PDGFD: variants seen among roughly 807,000 people sequenced by gnomAD.
PDGFD encodes the protein platelet-derived growth factor D.
Under a neutral mutation model 44.7 loss-of-function variants are expected in PDGFD, and 30 were observed. The ratio of observed to expected loss-of-function variants is 0.67; its 90% CI spans 0.50 to 0.91. PDGFD has a LOEUF of 0.91. Ranked by LOEUF, PDGFD falls within the 40% of genes least tolerant of loss-of-function variation. The pLI, the probability that PDGFD is intolerant of heterozygous loss-of-function variation, is 0.00. For missense variants in PDGFD, 445 were observed against 457.8 expected (o/e 0.97, Z 0.25); for synonymous variants, 173 against 168.4 (o/e 1.03, Z -0.21).
chr11:104,101,732 T>G (rs1861384766), intron 1 of PDGFD, among the ~76,000 whole-genome samples: 1 of 151,950 alleles, frequency 6.6e-6, no homozygotes, highest in Non-Finnish European at 1.5e-5. Context: ...CAAAGAGATA[T>G]AGACCAATGG....
In PDGFD at chr11:104,163,838, G is replaced by T. The variant is rs779714354; in HGVS notation, c.90C>A (p.Ile30=). Residue 30 remains isoleucine, a synonymous_variant, in exon 1 of 7, where the codon ATC becomes ATA. Coordinates refer to ENST00000393158, the MANE Select transcript of PDGFD (RefSeq NM_025208.5). ...TGAGGTTGGCGTTGCGCAAAGCTTTGATGGATGCGCTCTGCGGGGTTGCAG... is the reference window on the plus strand; with the variant it reads ...TGAGGTTGGCGTTGCGCAAAGCTTTTATGGATGCGCTCTGCGGGGTTGCAG... ...DTSATPQSAS[I]KALRNANLRR... 4.5e-6 allele frequency: 7 copies of T among 1,571,448 alleles called. No individual in the cohort carries two copies. Among genetic ancestry groups the T allele is most frequent in the Non-Finnish European group, 6.1e-6 (7 of 1,149,256 alleles).
At chr11:103,966,585 C>T (rs560080222) in intron 3 of PDGFD, among the ~76,000 whole-genome samples, 34 of 152,100 alleles carry the variant, frequency 2.2e-4, no homozygotes, top group Non-Finnish European at 4.6e-4. Flanking sequence ...CTGATGGGAT[C>T]GAAAGCTGAT....
intron 1 of PDGFD, among the ~76,000 whole-genome samples, chr11:104,041,680 A>C (rs1360750546): frequency 6.6e-6 from 1 of 152,188 alleles, no homozygotes; most frequent in Non-Finnish European, 1.5e-5. Flanking sequence ...GTATTTCAAG[A>C]TTACCAGCAA....
chr11:104,108,586 C>A (rs568932463), intron 1 of PDGFD, among the ~76,000 whole-genome samples: 2 of 152,290 alleles, frequency 1.3e-5, no homozygotes, highest in East Asian at 3.9e-4. Flanking sequence ...AATAGGAACA[C>A]TTTTACACTG....
At chr11:104,053,726 T>C (rs1019319884) in intron 1 of PDGFD, among the ~76,000 whole-genome samples, 9 of 152,166 alleles carry the variant, frequency 5.9e-5, no homozygotes, top group Non-Finnish European at 8.8e-5. Flanking sequence ...CTGGGCAGGA[T>C]ATTACAAACA....
At chr11:104,044,349 CT>C (rs900759767) in intron 1 of PDGFD, among the ~76,000 whole-genome samples, 1 of 152,034 alleles carries the variant, frequency 6.6e-6, no homozygotes. Flanking sequence ...TGCCTTAGTG[CT>C]TTATGTGAAG....
chr11:103,970,372 A>G (rs1386097353), intron 3 of PDGFD, among the ~76,000 whole-genome samples: 1 of 152,120 alleles, frequency 6.6e-6, no homozygotes, highest in Non-Finnish European at 1.5e-5. Flanking sequence ...ATTTCGAACG[A>G]GAAAGTTCTT....
intron 1 of PDGFD, among the ~76,000 whole-genome samples, chr11:104,157,566 C>T (rs1862324606): frequency 6.6e-6 from 1 of 152,186 alleles, no homozygotes; most frequent in Admixed American, 6.5e-5. Flanking sequence ...CCTTCTCCCT[C>T]TCACTGCACC....
intron 1 of PDGFD, among the ~76,000 whole-genome samples, chr11:104,055,990 A>C (rs1294917905): frequency 6.6e-6 from 1 of 152,196 alleles, no homozygotes; most frequent in Non-Finnish European, 1.5e-5. Flanking sequence ...CAATAATCAG[A>C]GCCAGAATAT....
At chr11:104,078,162 C>A (rs1302256982) in intron 1 of PDGFD, among the ~76,000 whole-genome samples, 2 of 152,166 alleles carry the variant, frequency 1.3e-5, no homozygotes, top group African/African-American at 4.8e-5. Context: ...ATCAGCCAGT[C>A]CATAAAACAC....
intron 3 of PDGFD, among the ~76,000 whole-genome samples, chr11:103,977,828 T>G (rs1466362191): frequency 6.6e-6 from 1 of 152,052 alleles, no homozygotes; most frequent in African/African-American, 2.4e-5. Flanking sequence ...CAGAGATGCT[T>G]TTTCTTTAGA....
chr11:103,930,180 G>A (rs763895205), intron 5 of PDGFD, among the ~76,000 whole-genome samples: 1 of 152,146 alleles, frequency 6.6e-6, no homozygotes, highest in Non-Finnish European at 1.5e-5. Flanking sequence ...GGCTGGGAAG[G>A]CTCCCCTGTC....
At chr11:104,070,924 G>A (rs1860864873) in intron 1 of PDGFD, among the ~76,000 whole-genome samples, 1 of 152,106 alleles carries the variant, frequency 6.6e-6, no homozygotes, top group Non-Finnish European at 1.5e-5. Flanking sequence ...ACAGACTGCG[G>A]TGTAAAAAGG....
rs545422957 is a variant in PDGFD at position 104,070,375 on chromosome 11, T to C, written c.125-70120A>G. 8.5e-4 allele frequency among the ~76,000 whole-genome samples: 130 copies of C among 152,304 alleles called. 1 individual carries two copies. The highest frequency in any genetic ancestry group is 2.8e-3 in the African/African-American group (118 of 41,578). Reference sequence around the variant, plus strand: ...CCAACAGCACAGGGTTCATTCTAACTTTTTTCTTTCTGTATTTGTAACTAT... The same window carrying C: ...CCAACAGCACAGGGTTCATTCTAACCTTTTTCTTTCTGTATTTGTAACTAT... On this transcript the variant is annotated intron_variant, in intron 1 of 6. Coordinates refer to ENST00000393158, the MANE Select transcript of PDGFD (RefSeq NM_025208.5).
intron 1 of PDGFD, among the ~76,000 whole-genome samples, chr11:104,069,651 G>A (rs1278895297): frequency 6.6e-6 from 1 of 152,206 alleles, no homozygotes; most frequent in African/African-American, 2.4e-5. Flanking sequence ...ACGAGGTCAG[G>A]AGATCGAGAC....
At chr11:103,937,866 C>T (rs1020761796) in intron 5 of PDGFD, among the ~76,000 whole-genome samples, 10 of 151,962 alleles carry the variant, frequency 6.6e-5, no homozygotes, top group African/African-American at 2.4e-4. Context: ...ATCCATGTCC[C>T]TACAAAGGAC....
chr11:104,084,970 T>A (rs1337062621), intron 1 of PDGFD, among the ~76,000 whole-genome samples: 1 of 148,438 alleles, frequency 6.7e-6, no homozygotes, highest in African/African-American at 2.5e-5. Flanking sequence ...AAAATAAAAA[T>A]ATATATAGTG....
chr11:103,922,765 T>TG (rs543802158), intron 6 of PDGFD, among the ~76,000 whole-genome samples: 125 of 151,938 alleles, frequency 8.2e-4, no homozygotes, highest in African/African-American at 2.3e-3. Context: ...TTTTTAGAGA[T>TG]GGGGGGGTCT....
At chr11:103,994,894 T>C (rs1437362214) in intron 3 of PDGFD, among the ~76,000 whole-genome samples, 1 of 151,882 alleles carries the variant, frequency 6.6e-6, no homozygotes, top group Non-Finnish European at 1.5e-5. Flanking sequence ...TTTTTTTTTT[T>C]TTTGAGACAG....
Sources: gnomAD v4.1 joint callset for allele counts (sites outside exome capture counted in the v4.1 genomes callset) on GRCh38, gnomAD v4.1.1 for gene constraint, MANE v1.5 for transcripts, NCBI Gene and HGNC (gene_info 2026-07-23, HGNC 2026-07-21) for gene names.